SLC22A6: variants seen among roughly 807,000 people sequenced by gnomAD.
The protein encoded by SLC22A6 is solute carrier family 22 member 6, also known as PAH transporter.
SLC22A6 carries 45 observed loss-of-function variants against 56.7 expected under a neutral mutation model. The observed-to-expected ratio is 0.79, with a 90% CI of 0.63 to 1.02. The LOEUF (loss-of-function observed/expected upper bound fraction) is 1.02, where lower values mean the gene tolerates loss of function less well. SLC22A6 is among the 50% of genes least tolerant of loss of function. The pLI is 0.00. For missense variants in SLC22A6, 606 were observed against 713.8 expected, an observed-to-expected ratio of 0.85 and a Z score of 1.72; for synonymous variants, 291 against 295.9, an observed-to-expected ratio of 0.98 and a Z score of 0.17.
At position 62,981,311 on chromosome 11, in the gene SLC22A6, T is replaced by A; in HGVS notation, c.870A>T (p.Arg290Ser). Residue 290 changes from arginine to serine, a missense_variant, in exon 5 of 10, where the codon AGA becomes AGT. Transcript: ENST00000360421. ...CCCGCTTCCCATTGATCCGGGCGAC[T>A]CTCTGCAGGGCCCTCAGGGTGAGGT... ...RLDLTLRALQ[R>S]VARINGKREE... is the part of the protein sequence containing the mutation. 6.2e-7 allele frequency: 1 copy of A among 1,605,774 alleles called. No individual in the cohort carries two copies. Among genetic ancestry groups the A allele is most frequent in the Non-Finnish European group, 8.5e-7 (1 of 1,176,400 alleles).
At chr11:62,977,437 C>A in intron 8 of SLC22A6, 50 bp from the exon 9 acceptor site, 1 of 1,551,380 alleles carries the variant, frequency 6.4e-7, no homozygotes, top group South Asian at 1.2e-5. Context: ...AGCATGAATG[C>A]CCAGATGCTG....
In SLC22A6 at chr11:62,984,347, G is replaced by C. The variant is rs886137600; in HGVS notation, c.344C>G (p.Thr115Ser). 8 of 1,613,648 alleles carry C rather than the reference G, an allele frequency of 5.0e-6. No individual in the cohort carries two copies. Among genetic ancestry groups the C allele is most frequent in the Non-Finnish European group, 6.8e-6 (8 of 1,179,988 alleles). The change falls in exon 1 of 10, where the codon ACC (threonine) becomes AGC (serine). Residue 115 changes from threonine (T) to serine (S), a missense_variant. Thr to Ser is a moderately conservative substitution (Grantham distance 58). Transcript: ENST00000360421. ...CTDGWIYDNSTFPSTIVTEWD... is the reference protein window; with the variant it reads ...CTDGWIYDNSSFPSTIVTEWD... ...CTCAGTCACGATGGTAGATGGGAAG[G>C]TGCTGTTGTCATAGATCCAGCCATC... is the stretch of plus-strand genomic sequence containing the variant.
At position 62,979,879 on chromosome 11, in the gene SLC22A6, T is replaced by TA; in HGVS notation, c.1106dup (p.Ile370AsnfsTer?). 6.2e-7 allele frequency: 1 copy of TA among 1,614,102 alleles called. No homozygotes were observed. The highest frequency in any genetic ancestry group is 8.5e-7 in the Non-Finnish European group (1 of 1,179,998). ...CCACAGCACCAAAGATCACCTGGAT[T>TA]AGGTAGATGCTGACTCCAAAGCCCT... On this transcript the variant is annotated frameshift_variant, in exon 7 of 10. Coordinates refer to ENST00000360421, the MANE Select transcript of SLC22A6 (RefSeq NM_153276.3). LOFTEE classifies it high-confidence loss of function.
chr11:62,980,636 C>A (rs1404616316), intron 6 of SLC22A6, among the ~76,000 whole-genome samples: 1 of 152,208 alleles, frequency 6.6e-6, no homozygotes, highest in African/African-American at 2.4e-5. Context: ...TTCTGGCAGG[C>A]ACCATCAGGC....
At chr11:62,980,110 T>C (rs1445363551) in intron 6 of SLC22A6, among the ~76,000 whole-genome samples, 162 bp from the exon 7 acceptor site, 1 of 152,230 alleles carries the variant, frequency 6.6e-6, no homozygotes, top group Non-Finnish European at 1.5e-5. Flanking sequence ...CTGCAGAGTT[T>C]AAGTATTGAG....
intron 5 of SLC22A6, 35 bp downstream of exon 5, chr11:62,981,225 G>A: frequency 3.1e-6 from 5 of 1,608,336 alleles, no homozygotes; most frequent in Non-Finnish European, 4.2e-6. Flanking sequence ...GTGAAGCCCT[G>A]GGAGGTTATC....
At chr11:62,976,971 T>A in intron 9 of SLC22A6, 90 bp from the exon 10 acceptor site, 1 of 1,521,542 alleles carries the variant, frequency 6.6e-7, no homozygotes, top group Non-Finnish European at 9.1e-7. Context: ...TCCGCTCAGC[T>A]ATGCCTGGAC....
chr11:62,976,739 G>T lies in SLC22A6; in HGVS notation c.*55C>A. The stretch of plus-strand genomic sequence containing the variant: ...TTCCTCCTCCTTGTGTGGGTGGCCG[G>T]AGACCTGTAGGACCTTCCCTCCCTT... On this transcript the variant is annotated 3_prime_UTR_variant, in exon 10 of 10. Transcript: ENST00000360421. 6.9e-7 allele frequency: 1 copy of T among 1,453,404 alleles called. No homozygotes were observed. 90.0% of individuals were successfully genotyped at this position (1,453,404 alleles called of 1,614,324 possible).
At chr11:62,981,438 G>GA in intron 4 of SLC22A6, 55 bp from the exon 5 acceptor site, 1 of 940,850 alleles carries the variant, frequency 1.1e-6, no homozygotes, top group Non-Finnish European at 1.5e-6. Context: ...AGTCAGCTGG[G>GA]TGGGGGGCTG....
chr11:62,980,734 T>A (rs949292975), intron 6 of SLC22A6, among the ~76,000 whole-genome samples: 1 of 152,242 alleles, frequency 6.6e-6, no homozygotes, highest in Admixed American at 6.5e-5. Flanking sequence ...CTGGTCCTGA[T>A]GAGGTGTCTC....
At chr11:62,977,429 C>G in intron 8 of SLC22A6, 42 bp from the exon 9 acceptor site, 1 of 1,560,534 alleles carries the variant, frequency 6.4e-7, no homozygotes. Context: ...AGAGTTCCAG[C>G]ATGAATGCCC....
intron 3 of SLC22A6, 65 bp from the exon 4 acceptor site, chr11:62,982,075 C>T (rs2086262275): frequency 6.6e-7 from 1 of 1,508,038 alleles, no homozygotes; most frequent in East Asian, 2.4e-5. Context: ...AAGGCCCCTC[C>T]CTCCATCCAA....
At chr11:62,979,651 T>C in intron 7 of SLC22A6, 55 bp from the exon 8 acceptor site, 1 of 1,586,090 alleles carries the variant, frequency 6.3e-7, no homozygotes, top group South Asian at 1.1e-5. Flanking sequence ...CTAGGAGGAA[T>C]TGGCCCCCTC....
At chr11:62,979,363 G>T (rs551066477) in intron 8 of SLC22A6, 125 bp downstream of exon 8, 2 of 693,356 alleles carry the variant, frequency 2.9e-6, no homozygotes, top group Non-Finnish European at 5.1e-6. Flanking sequence ...GCCTTGCAAT[G>T]ATGAGTGTTG....
intron 6 of SLC22A6, among the ~76,000 whole-genome samples, chr11:62,980,307 G>A (rs986446291): frequency 2.0e-5 from 3 of 152,226 alleles, no homozygotes; most frequent in African/African-American, 7.2e-5. Flanking sequence ...AGCTGGGAGA[G>A]TAGAGAGAGC....
At chr11:62,976,952 C>G (rs2086195991) in intron 9 of SLC22A6, 71 bp from the exon 10 acceptor site, 1 of 1,562,688 alleles carries the variant, frequency 6.4e-7, no homozygotes, top group Admixed American at 1.7e-5. Context: ...TGGAGGCTCC[C>G]AGGGGGTCTC....
rs1188434010 is a variant in SLC22A6, at chr11:62,983,289, C to T, written c.628+248G>A. On this transcript the variant is annotated intron_variant, in intron 3 of 9. Transcript: ENST00000360421. The surrounding 1 kb of genome is among the most constrained non-coding windows in gnomAD (Gnocchi z 4.5). The stretch of plus-strand genomic sequence containing the variant: ...TCGATCTCCTGACCTCGTGATCTGC[C>T]CGCCTCGGCCTCCGAAAGTGCTGGG... 6.6e-6 allele frequency among the ~76,000 whole-genome samples: 1 copy of T among 152,156 alleles called. No homozygotes were observed. The highest frequency in any genetic ancestry group is 1.5e-5 in the Non-Finnish European group (1 of 68,036).
intron 3 of SLC22A6, 29 bp from the exon 4 acceptor site, chr11:62,982,039 C>A: frequency 6.2e-7 from 1 of 1,602,558 alleles, no homozygotes. Context: ...CAGGATGCTG[C>A]AACTACCTGG....
In SLC22A6 at chr11:62,979,530, C is replaced by T; in HGVS notation, c.1319G>A (p.Cys440Tyr). The change falls in exon 8 of 10, where the codon TGC becomes TAC. Residue 440 changes from cysteine to tyrosine, a missense_variant. Cys to Tyr is a radical substitution (Grantham distance 194). Transcript: ENST00000360421. ...CAGTTCCCCAGTATACAGGAAGATG[C>T]AGTTGAAGGAGGCAGCCAGACAACC... is the stretch of plus-strand genomic sequence containing the variant. ...GKGCLAASFN[C>Y]IFLYTGELYP... is the part of the protein sequence containing the mutation. The T allele has an allele frequency of 3.7e-6, 6 of 1,613,892 alleles. No homozygotes were observed. Among genetic ancestry groups the T allele is most frequent in the Non-Finnish European group, 5.1e-6 (6 of 1,179,778 alleles).
Sources: allele counts gnomAD v4.1 joint callset (sites outside exome capture counted in the v4.1 genomes callset), GRCh38; gene constraint gnomAD v4.1.1; non-coding constraint Gnocchi (gnomAD v3.1); transcripts MANE v1.5; gene names NCBI Gene and HGNC (gene_info 2026-07-23, HGNC 2026-07-21).